VPS26A: variants seen among roughly 807,000 people sequenced by gnomAD.
VPS26A encodes the protein VPS26 retromer complex component A.
VPS26A carries 22 observed loss-of-function variants against 42.4 expected under a neutral mutation model. The observed-to-expected ratio is 0.52, with a 90% CI of 0.37 to 0.74. The LOEUF is 0.74. Ranked by LOEUF, VPS26A falls within the 30% of genes least tolerant of loss-of-function variation. The pLI, the probability that VPS26A is intolerant of heterozygous loss-of-function variation, is 0.00. For missense variants in VPS26A, 276 were observed against 379.2 expected, an observed-to-expected ratio of 0.73 and a Z score of 2.26; for synonymous variants, 110 against 123.5, an observed-to-expected ratio of 0.89 and a Z score of 0.73.
chr10:69,138,761 G>A (rs1419955055), intron 2 of VPS26A, among the ~76,000 whole-genome samples: 2 of 152,050 alleles, frequency 1.3e-5, no homozygotes, highest in Non-Finnish European at 2.9e-5. Flanking sequence ...TATGTTACAT[G>A]TATATCTCCT....
chr10:69,143,478 C>T (rs919897750), intron 2 of VPS26A, among the ~76,000 whole-genome samples: 5 of 152,218 alleles, frequency 3.3e-5, no homozygotes, highest in South Asian at 2.1e-4. Context: ...TTTCTGTATG[C>T]CTACTTTTCA....
In VPS26A at chr10:69,162,452, G is replaced by C; in HGVS notation, c.598G>C (p.Val200Leu). The C allele has an allele frequency of 6.4e-7, 1 of 1,569,628 alleles. No homozygotes were observed. Among genetic ancestry groups the C allele is most frequent in the South Asian group, 1.1e-5 (1 of 88,756 alleles). Residue 200 changes from valine (V) to leucine (L), a missense_variant, in exon 6 of 9, where the codon GTA becomes CTA. Val to Leu is a conservative substitution (Grantham distance 32). Coordinates refer to ENST00000263559, the MANE Select transcript of VPS26A (RefSeq NM_004896.5). ...TGTTGGAAAAATTTACTTCTTATTA[G>C]TAAGAATAAAAATACAACATATGGA... is the stretch of plus-strand genomic sequence containing the variant. ...VIVGKIYFLL[V>L]RIKIQHMELQ...
chr10:69,162,571 C>A, intron 6 of VPS26A, 59 bp downstream of exon 6: 2 of 1,115,722 alleles, frequency 1.8e-6, no homozygotes, highest in Non-Finnish European at 2.5e-6. Flanking sequence ...TTTTTAAAAT[C>A]TTAAAATATT....
intron 2 of VPS26A, chr10:69,133,473 A>T: frequency 1.0e-6 from 1 of 1,002,876 alleles, no homozygotes; most frequent in Non-Finnish European, 1.3e-6. Flanking sequence ...GTTTTTTTAC[A>T]TTCTTTGTAA....
chr10:69,134,057 T>C (rs1564674093), intron 2 of VPS26A, among the ~76,000 whole-genome samples: 1 of 152,136 alleles, frequency 6.6e-6, no homozygotes, highest in Non-Finnish European at 1.5e-5. Context: ...AATGGTAATA[T>C]CATAGACAAA....
chr10:69,157,300 G>T, intron 4 of VPS26A, 137 bp downstream of exon 4: 1 of 1,127,934 alleles, frequency 8.9e-7, no homozygotes, highest in South Asian at 1.9e-5. Flanking sequence ...CACATACTTT[G>T]GCTAATGCTG....
At chr10:69,168,698 C>T in intron 8 of VPS26A, 67 bp downstream of exon 8, 2 of 1,565,770 alleles carry the variant, frequency 1.3e-6, no homozygotes, top group Non-Finnish European at 1.7e-6. Context: ...AAGCACTCTT[C>T]TAAGCTTCAC....
chr10:69,127,885 T>C (rs1262582232), intron 1 of VPS26A, among the ~76,000 whole-genome samples: 1 of 151,830 alleles, frequency 6.6e-6, no homozygotes, highest in East Asian at 1.9e-4. Context: ...TTTGTAGATA[T>C]GGGGGTCTAG....
intron 2 of VPS26A, among the ~76,000 whole-genome samples, chr10:69,147,887 A>AT (rs968355058): frequency 2.6e-5 from 4 of 151,552 alleles, no homozygotes; most frequent in Admixed American, 2.6e-4. Flanking sequence ...TAATTTTTAT[A>AT]TTTTTTTGTA....
rs774348707 is a variant in VPS26A at position 69,172,530 on chromosome 10, T to A, written c.*1261T>A. ...TTGTCAGTTAACCTTACTTTATGAGTAAGCTAAATAACCCAAATTACATTT... is the reference window on the plus strand; with the variant it reads ...TTGTCAGTTAACCTTACTTTATGAGAAAGCTAAATAACCCAAATTACATTT... On this transcript the variant is annotated 3_prime_UTR_variant, in exon 9 of 9. Transcript: ENST00000263559. 1 of 152,640 alleles carries A rather than the reference T, an allele frequency of 6.6e-6. No homozygotes were observed. Among genetic ancestry groups the A allele is most frequent in the African/African-American group, 2.4e-5 (1 of 41,456 alleles). The allele number at this position is 152,640 out of a possible 1,614,324, so 9.5% of individuals were successfully genotyped here.
intron 8 of VPS26A, among the ~76,000 whole-genome samples, chr10:69,169,613 T>A (rs1198914642): frequency 6.6e-6 from 1 of 151,084 alleles, no homozygotes; most frequent in African/African-American, 2.4e-5. Flanking sequence ...CCTTTTTTTT[T>A]AAGTTTTTTT....
chr10:69,134,950 A>G (rs1442018926), intron 2 of VPS26A, among the ~76,000 whole-genome samples: 4 of 152,086 alleles, frequency 2.6e-5, no homozygotes, highest in Non-Finnish European at 5.9e-5. Flanking sequence ...AAAATGGAGA[A>G]AAAGGCCTAA....
chr10:69,160,209 G>A (rs575324847), intron 5 of VPS26A, among the ~76,000 whole-genome samples: 99 of 152,022 alleles, frequency 6.5e-4, no homozygotes, highest in Middle Eastern at 6.8e-3. Flanking sequence ...GCCCAGGCTG[G>A]AGTGCAATGG....
intron 2 of VPS26A, among the ~76,000 whole-genome samples, chr10:69,153,499 C>T (rs1023094696): frequency 6.8e-6 from 1 of 146,318 alleles, no homozygotes. Context: ...ACACACGCCC[C>T]AATACCCAGC....
chr10:69,170,337 C>T (rs1841788221), intron 8 of VPS26A: 1 of 151,950 alleles, frequency 6.6e-6, no homozygotes, highest in Non-Finnish European at 1.5e-5. Context: ...TTTACAATTT[C>T]AAAATCAATT....
intron 5 of VPS26A, among the ~76,000 whole-genome samples, chr10:69,159,118 T>C (rs1440551140): frequency 3.3e-5 from 5 of 152,176 alleles, no homozygotes; most frequent in Admixed American, 1.3e-4. Context: ...CTCACACCTG[T>C]AATCCCAGCA....
intron 2 of VPS26A, among the ~76,000 whole-genome samples, chr10:69,151,823 A>G (rs1385135192): frequency 6.6e-6 from 1 of 152,232 alleles, no homozygotes; most frequent in Non-Finnish European, 1.5e-5. Flanking sequence ...TTTCAAAAAT[A>G]TAATTTTTTT....
Position 69,168,472 on chromosome 10 carries a change from A to C in VPS26A, c.728-17A>C. 3 of 1,608,788 alleles carry C rather than the reference A, an allele frequency of 1.9e-6. No individual in the cohort carries two copies. Among genetic ancestry groups the C allele is most frequent in the Non-Finnish European group, 2.5e-6 (3 of 1,178,100 alleles). ...TTAATCATCTTTAGAATTAAGTAGAAATTCCTTTTCTTTCAGGTGAATCAA... is the reference window on the plus strand; with the variant it reads ...TTAATCATCTTTAGAATTAAGTAGACATTCCTTTTCTTTCAGGTGAATCAA... On this transcript the variant is annotated splice_polypyrimidine_tract_variant and intron_variant, in intron 7 of 8. Coordinates refer to ENST00000263559, the MANE Select transcript of VPS26A (RefSeq NM_004896.5).
rs869048277 is a variant in VPS26A, at chr10:69,149,734, G to GTTTT, written c.154-6051_154-6048dup. ...AATGTTAACTTTCTTGGTGTTTTTTGTTTTTTTTTTTTTTTTTTTTTTTTT... is the reference window on the plus strand; with the variant it reads ...AATGTTAACTTTCTTGGTGTTTTTTGTTTTTTTTTTTTTTTTTTTTTTTTTTTTT... On this transcript the variant is annotated intron_variant, in intron 2 of 8. Transcript: ENST00000263559. Among the ~76,000 whole-genome samples, 79 of 21,396 alleles carry GTTTT rather than the reference G, an allele frequency of 3.7e-3. 2 individuals carry two copies. Among genetic ancestry groups the GTTTT allele is most frequent in the African/African-American group, 6.4e-3 (70 of 10,988 alleles). 14.0% of individuals were successfully genotyped at this position (21,396 alleles called of 152,430 possible).
Sources: allele counts gnomAD v4.1 joint callset (sites outside exome capture counted in the v4.1 genomes callset), GRCh38; gene constraint gnomAD v4.1.1; transcripts MANE v1.5; gene names NCBI Gene and HGNC (gene_info 2026-07-23, HGNC 2026-07-21).